Variants in RTRAF observed in about 807,000 individuals in gnomAD.
RTRAF encodes the protein RNA transcription, translation and transport factor.
In RTRAF, 14 loss-of-function variants were observed where a neutral mutation model predicts 34.4. The observed-to-expected ratio is 0.41, with a 90% CI of 0.27 to 0.64. The LOEUF (loss-of-function observed/expected upper bound fraction) is 0.64, where lower values mean the gene tolerates loss of function less well. RTRAF is among the 30% of genes least tolerant of loss of function. The probability of loss-of-function intolerance (pLI) is 0.34; values close to 1 mark genes in which losing one functional copy is unlikely to be tolerated. For missense variants in RTRAF, 291 were observed against 288.4 expected (o/e 1.01, Z -0.06); for synonymous variants, 96 against 95.3 (o/e 1.01, Z -0.04).
chr14:52,003,924 T>G, intron 6 of RTRAF: 1 of 435,134 alleles, frequency 2.3e-6, no homozygotes, highest in Non-Finnish European at 4.1e-6. Flanking sequence ...AAGGATATAT[T>G]GTTTTGTATG....
rs1566737026 is a variant in RTRAF at position 52,005,772 on chromosome 14, T to C, written c.*1256T>C. 3 of 1,613,916 alleles carry C rather than the reference T, an allele frequency of 1.9e-6. No homozygotes were observed. Among genetic ancestry groups the C allele is most frequent in the Middle Eastern group, 1.6e-4 (1 of 6,062 alleles). Reference sequence around the variant, plus strand: ...GTAGGGGTAGACTGCAGTTATCCCGTAGAGGTGAGATCGTTGTTCTGGGAG... The same window carrying C: ...GTAGGGGTAGACTGCAGTTATCCCGCAGAGGTGAGATCGTTGTTCTGGGAG... On this transcript the variant is annotated 3_prime_UTR_variant, in exon 8 of 8. Coordinates refer to ENST00000261700, the MANE Select transcript of RTRAF (RefSeq NM_016039.3).
chr14:51,989,767 G>T (rs181112286), intron 1 of RTRAF, 67 bp downstream of exon 1: 1 of 1,466,020 alleles, frequency 6.8e-7, no homozygotes, highest in East Asian at 2.6e-5. Context: ...CTCAGTGCCC[G>T]CACCCCACCT....
chr14:52,003,506 G>C (rs1594989007), intron 6 of RTRAF, among the ~76,000 whole-genome samples: 1 of 152,054 alleles, frequency 6.6e-6, no homozygotes, highest in Non-Finnish European at 1.5e-5. Flanking sequence ...TGAAAGTACG[G>C]GTAGTGTGTT....
intron 3 of RTRAF, among the ~76,000 whole-genome samples, 174 bp downstream of exon 3, chr14:51,993,996 T>G: frequency 6.6e-6 from 1 of 152,232 alleles, no homozygotes; most frequent in East Asian, 1.9e-4. Flanking sequence ...TATATTTCTG[T>G]TAGAATTTGG....
chr14:51,998,327 G>T, intron 3 of RTRAF, 167 bp from the exon 4 acceptor site: 2 of 484,978 alleles, frequency 4.1e-6, no homozygotes, highest in South Asian at 7.2e-5. Flanking sequence ...TTTTATATAT[G>T]CAGATAATCC....
chr14:52,000,337 A>C (rs1456485468), intron 5 of RTRAF, among the ~76,000 whole-genome samples: 1 of 152,136 alleles, frequency 6.6e-6, no homozygotes, highest in African/African-American at 2.4e-5. Flanking sequence ...TAGGCCACTC[A>C]GTTCATAACT....
Position 52,008,634 on chromosome 14 carries a change from C to T in RTRAF, c.*4118C>T, listed in dbSNP as rs1018108645. On this transcript the variant is annotated 3_prime_UTR_variant, in exon 8 of 8. Transcript: ENST00000261700. Reference sequence around the variant, plus strand: ...GTCATTACTAAGTTACTATCAGAATCCCTGCCTCCAAGATACCCCTTGACT... The same window carrying T: ...GTCATTACTAAGTTACTATCAGAATTCCTGCCTCCAAGATACCCCTTGACT... 6.6e-6 allele frequency: 1 copy of T among 152,172 alleles called. No homozygotes were observed. The highest frequency in any genetic ancestry group is 2.4e-5 in the African/African-American group (1 of 41,426). 9.4% of individuals were successfully genotyped at this position (152,172 alleles called of 1,614,324 possible). A position where few individuals can be genotyped will look rare whatever the true frequency, so the allele number is the denominator to read the frequency against.
intron 5 of RTRAF, chr14:52,000,001 T>C (rs767717575): frequency 3.1e-4 from 140 of 449,930 alleles, no homozygotes; most frequent in Non-Finnish European, 4.8e-4. Flanking sequence ...TGCAAAGATG[T>C]TCTCATTCAA....
Position 52,008,241 on chromosome 14 carries a change from C to T in RTRAF, c.*3725C>T, listed in dbSNP as rs1890870900. On this transcript the variant is annotated 3_prime_UTR_variant, in exon 8 of 8. Transcript: ENST00000261700. ...TTGAGGGAAGCTGGATGCCATGTTG[C>T]AAGCTACCCTGTAAAGGGGAACATG... The T allele has an allele frequency of 3.2e-6, 1 of 316,394 alleles. No individual in the cohort carries two copies. 19.6% of individuals were successfully genotyped at this position (316,394 alleles called of 1,614,324 possible).
chr14:52,001,850 C>G lies in RTRAF; in HGVS notation c.515C>G (p.Ala172Gly). Residue 172 changes from alanine (A) to glycine (G), a missense_variant, in exon 6 of 8, where the codon GCA becomes GGA. Transcript: ENST00000261700. ...CTGACACAGGATGCAGTTGCTAAGG[C>G]AAATCAAACAAAAGAGGTACGTTTC... The part of the protein sequence containing the change: ...ERLTQDAVAK[A>G]NQTKEGLPVA... The G allele has an allele frequency of 1.2e-6, 2 of 1,609,128 alleles. No homozygotes were observed. The highest frequency in any genetic ancestry group is 1.7e-6 in the Non-Finnish European group (2 of 1,178,612).
chr14:52,009,192 G>C lies in RTRAF; in HGVS notation c.*4676G>C, dbSNP rs1190595012. ...AGAGAGAAGCTGAGAGCAAAAGCTA[G>C]AAAGCAGTTTCCACTTTGCGCTAAG... On this transcript the variant is annotated 3_prime_UTR_variant, in exon 8 of 8. Transcript: ENST00000261700. The C allele has an allele frequency of 6.6e-6, 1 of 152,208 alleles. No individual in the cohort carries two copies. Among genetic ancestry groups the C allele is most frequent in the African/African-American group, 2.4e-5 (1 of 41,452 alleles). 9.4% of individuals were successfully genotyped at this position (152,208 alleles called of 1,614,324 possible).
At chr14:52,004,299 G>GAAGT in intron 7 of RTRAF, 57 bp downstream of exon 7, 1 of 1,603,182 alleles carries the variant, frequency 6.2e-7, no homozygotes, top group Non-Finnish European at 8.5e-7. Flanking sequence ...TACTTGGGAG[G>GAAGT]AAATAAATGG....
chr14:52,005,512 A>AG lies in RTRAF; in HGVS notation c.*1000dup, dbSNP rs1566736729. ...TACTTTCTTCCTGTGAGAGAAGAGC[A>AG]GGGGTGGGACAGGGTGGTGGGTGAG... On this transcript the variant is annotated 3_prime_UTR_variant, in exon 8 of 8. Coordinates refer to ENST00000261700, the MANE Select transcript of RTRAF (RefSeq NM_016039.3). 6.3e-7 allele frequency: 1 copy of AG among 1,596,884 alleles called. No homozygotes were observed. Among genetic ancestry groups the AG allele is most frequent in the South Asian group, 1.1e-5 (1 of 87,788 alleles).
chr14:51,992,810 C>T (rs1186390895), intron 2 of RTRAF, among the ~76,000 whole-genome samples: 1 of 152,194 alleles, frequency 6.6e-6, no homozygotes, highest in Non-Finnish European at 1.5e-5. Context: ...ATGGGTGGAT[C>T]ACCTGAGGTC....
In RTRAF at chr14:52,006,405, TGAG is replaced by T. The variant is rs1264842414; in HGVS notation, c.*1894_*1896del. ...ATCCTTGAAGGATCTTATCTGCCAA[TGAG>T]GAGGTGATGAAACAAAAGCCTCAGA... is the stretch of plus-strand genomic sequence containing the variant. On this transcript the variant is annotated 3_prime_UTR_variant, in exon 8 of 8. Transcript: ENST00000261700. 1 of 902,800 alleles carries T rather than the reference TGAG, an allele frequency of 1.1e-6. No homozygotes were observed. Among genetic ancestry groups the T allele is most frequent in the South Asian group, 1.7e-5 (1 of 59,520 alleles). The allele number at this position is 902,800 out of a possible 1,614,324, so 55.9% of individuals were successfully genotyped here.
At chr14:51,995,154 T>C (rs891417756) in intron 3 of RTRAF, among the ~76,000 whole-genome samples, 1 of 152,130 alleles carries the variant, frequency 6.6e-6, no homozygotes, top group African/African-American at 2.4e-5. Flanking sequence ...TAGCTTCCAA[T>C]TGATGCTGTA....
rs1890723927 is a variant in RTRAF, at chr14:52,005,325, G to A, written c.*809G>A. On this transcript the variant is annotated 3_prime_UTR_variant, in exon 8 of 8. Transcript: ENST00000261700. ...TACAGTAGTAAAGATTGAGGTATCA[G>A]CTTTTCACAAAAGTCTTTTTGCACT... The A allele has an allele frequency of 1.3e-5, 7 of 522,790 alleles. No homozygotes were observed. The highest frequency in any genetic ancestry group is 7.0e-5 in the South Asian group (1 of 14,248). 32.4% of individuals were successfully genotyped at this position (522,790 alleles called of 1,614,324 possible).
chr14:52,006,248 T>TTTAGA lies in RTRAF; in HGVS notation c.*1736_*1740dup, dbSNP rs568777800. ...GTAGTCTTATTCTCTAAAGAACATA[T>TTTAGA]TTAGATTAATATGCTCCCTTTTGAG... On this transcript the variant is annotated 3_prime_UTR_variant, in exon 8 of 8. Transcript: ENST00000261700. 3.4e-4 allele frequency: 136 copies of TTTAGA among 405,336 alleles called. No individual in the cohort carries two copies. The highest frequency in any genetic ancestry group is 2.7e-3 in the African/African-American group (134 of 50,122). The allele number at this position is 405,336 out of a possible 1,614,324, so 25.1% of individuals were successfully genotyped here. A position where few individuals can be genotyped will look rare whatever the true frequency, so the allele number is the denominator to read the frequency against.
At chr14:52,003,923 T>A (rs191087424) in intron 6 of RTRAF, 7 of 433,322 alleles carry the variant, frequency 1.6e-5, no homozygotes, top group African/African-American at 1.4e-4. Flanking sequence ...TAAGGATATA[T>A]TGTTTTGTAT....
Sources: gnomAD v4.1 joint callset for allele counts (sites outside exome capture counted in the v4.1 genomes callset) on GRCh38, gnomAD v4.1.1 for gene constraint, MANE v1.5 for transcripts, NCBI Gene and HGNC (gene_info 2026-07-23, HGNC 2026-07-21) for gene names.